The following NF1 variants were observed in gnomAD, a reference collection of about 807,000 sequenced individuals.
The protein encoded by NF1 is neurofibromin 1.
NF1 carries 122 observed loss-of-function variants against 325.7 expected under a neutral mutation model. The observed-to-expected ratio is 0.37, with a 90% CI of 0.32 to 0.44. The LOEUF is 0.44. Ranked by LOEUF, NF1 falls within the 20% of genes least tolerant of loss-of-function variation. The pLI is 1.00. For missense variants in NF1, 2,140 were observed against 3,415.4 expected, an observed-to-expected ratio of 0.63 and a Z score of 9.31; for synonymous variants, 1,091 against 1,186.0, an observed-to-expected ratio of 0.92 and a Z score of 1.65.
At chr17:31,142,343 T>C (rs1916278548) in intron 1 of NF1, among the ~76,000 whole-genome samples, 1 of 152,192 alleles carries the variant, frequency 6.6e-6, no homozygotes, top group East Asian at 1.9e-4. Flanking sequence ...GTGAAAGTAA[T>C]GTATCTAACT....
chr17:31,098,932 A>AG lies in NF1; in HGVS notation c.60+3564dup, dbSNP rs1232156601. On this transcript the variant is annotated intron_variant, in intron 1 of 57. Coordinates refer to ENST00000358273, the MANE Select transcript of NF1 (RefSeq NM_001042492.3). Reference sequence around the variant, plus strand: ...GGGTGACAGAGCGAGACTCCATCTCAGAAAAAAAAAAAAAAAAAAAGAATC... The same window carrying AG: ...GGGTGACAGAGCGAGACTCCATCTCAGGAAAAAAAAAAAAAAAAAAAGAATC... 2.3e-4 allele frequency among the ~76,000 whole-genome samples: 21 copies of AG among 93,110 alleles called. No homozygotes were observed. The East Asian group carries it at 5.7e-3, about 25-fold the overall frequency. The allele number at this position is 93,110 out of a possible 152,430, so 61.1% of individuals were successfully genotyped here. A position where few individuals can be genotyped will look rare whatever the true frequency, so the allele number is the denominator to read the frequency against.
chr17:31,232,408 G>T (rs2067128549), intron 25 of NF1, among the ~76,000 whole-genome samples: 1 of 151,998 alleles, frequency 6.6e-6, no homozygotes, highest in African/African-American at 2.4e-5. Context: ...TGTCTAAGCT[G>T]TTTGGACCAC....
chr17:31,324,148 A>G (rs1471141514), intron 36 of NF1, among the ~76,000 whole-genome samples: 1 of 151,650 alleles, frequency 6.6e-6, no homozygotes, highest in African/African-American at 2.4e-5. Flanking sequence ...GCTCACTGCA[A>G]ACTCCCCTCC....
chr17:31,375,019 T>C lies in NF1; in HGVS notation c.*864T>C, dbSNP rs2070711378. On this transcript the variant is annotated 3_prime_UTR_variant, in exon 58 of 58. Coordinates refer to ENST00000358273, the MANE Select transcript of NF1 (RefSeq NM_001042492.3). ...CTATACTAAGTATAGTAATTATATA[T>C]ATATATATATTTTTTCCCCTCCCCC... is the stretch of plus-strand genomic sequence containing the variant. The C allele has an allele frequency of 5.0e-6, 1 of 200,564 alleles. No homozygotes were observed. The highest frequency in any genetic ancestry group is 6.0e-5 in the Admixed American group (1 of 16,656). The allele number at this position is 200,564 out of a possible 1,614,324, so 12.4% of individuals were successfully genotyped here.
At chr17:31,150,484 T>C (rs1461997224) in intron 1 of NF1, among the ~76,000 whole-genome samples, 2 of 152,164 alleles carry the variant, frequency 1.3e-5, no homozygotes, top group African/African-American at 4.8e-5. Context: ...AGGGGTATTA[T>C]GTGTTGGTTT....
rs150121098 is a variant in NF1, at chr17:31,364,121, G to A, written c.8377+3418G>A. Among the ~76,000 whole-genome samples, 54 of 152,268 alleles carry A rather than the reference G, an allele frequency of 3.5e-4. No homozygotes were observed. The East Asian group carries it at 5.0e-3, about 14-fold the overall frequency. On this transcript the variant is annotated intron_variant, in intron 57 of 57. Transcript: ENST00000358273. ...GTCCAGATTCCTAACTCAGTCTGGCGTTTCAACTTTGCTGTTTAGCTGTAT... is the reference window on the plus strand; with the variant it reads ...GTCCAGATTCCTAACTCAGTCTGGCATTTCAACTTTGCTGTTTAGCTGTAT...
chr17:31,280,224 TA>T lies in NF1; in HGVS notation c.4835+14891del, dbSNP rs796889431. 9.4e-3 allele frequency among the ~76,000 whole-genome samples: 1,421 copies of T among 150,706 alleles called. 22 individuals carry two copies. Among genetic ancestry groups the T allele is most frequent in the African/African-American group, 0.033 (1,337 of 41,028 alleles). On this transcript the variant is annotated intron_variant, in intron 36 of 57. Transcript: ENST00000358273. ...GTTTTTTTTTAATTTTTTTTTTTTT[TA>T]AAAAAGAAAGAAATGTAAGAACCCA...
rs786203132 is a variant in NF1 at position 31,230,307 on chromosome 17, C to T, written c.3038C>T (p.Thr1013Met). The T allele has an allele frequency of 3.1e-6, 5 of 1,613,242 alleles. No homozygotes were observed. The highest frequency in any genetic ancestry group is 1.7e-5 in the Admixed American group (1 of 59,980). The change falls in exon 23 of 58, where the codon ACG (threonine) becomes ATG (methionine). Residue 1013 changes from threonine (T) to methionine (M), a missense_variant. Coordinates refer to ENST00000358273, the MANE Select transcript of NF1 (RefSeq NM_001042492.3). The part of the protein sequence containing the change: ...GNMVHAIQIK[T>M]KLCQLVEVMM... ...ATGGTCCATGCAATTCAAATAAAAA[C>T]GAAACTGTGTCAATTAGTTGAAGTA...
In NF1 at chr17:31,337,598, T is replaced by C. The variant is rs773123329; in HGVS notation, c.6642+16T>C. ...GATCATGGAGGTATAGAAGCCAAAA[T>C]GATAAGAAACTAAGTTAAAATCTTT... On this transcript the variant is annotated intron_variant, in intron 43 of 57. Transcript: ENST00000358273. 1 of 1,608,904 alleles carries C rather than the reference T, an allele frequency of 6.2e-7. No individual in the cohort carries two copies. Among genetic ancestry groups the C allele is most frequent in the Admixed American group, 1.7e-5 (1 of 59,698 alleles).
chr17:31,185,887 C>G (rs2066229533), intron 8 of NF1, among the ~76,000 whole-genome samples: 1 of 152,162 alleles, frequency 6.6e-6, no homozygotes, highest in Non-Finnish European at 1.5e-5. Context: ...ATAGGTAAAT[C>G]ACAGCGGAGG....
chr17:31,182,456 C>G (rs1221498515), intron 7 of NF1, 52 bp from the exon 8 acceptor site: 1 of 1,574,620 alleles, frequency 6.4e-7, no homozygotes, highest in East Asian at 2.2e-5. Flanking sequence ...TACTTTAATG[C>G]CAGGGATTTT....
intron 51 of NF1, among the ~76,000 whole-genome samples, chr17:31,354,670 C>T (rs954222138): frequency 7.9e-5 from 12 of 152,140 alleles, no homozygotes; most frequent in East Asian, 1.9e-4. Context: ...GTGTGGGCCC[C>T]GCACTAATGC....
chr17:31,139,344 G>C (rs1469697885), intron 1 of NF1, among the ~76,000 whole-genome samples: 1 of 149,876 alleles, frequency 6.7e-6, no homozygotes, highest in Non-Finnish European at 1.5e-5. Context: ...ATTGCGCCTG[G>C]CCTACTCTTA....
In NF1 at chr17:31,360,232, G is replaced by T. The variant is rs114218147; in HGVS notation, c.8161-255G>T. ...CATTCCTGGTGATTGTATTGTCTCA[G>T]TATTACATTCAGTCTGTCTTGTGCA... is the stretch of plus-strand genomic sequence containing the variant. On this transcript the variant is annotated intron_variant, in intron 56 of 57. Transcript: ENST00000358273. 866 of 498,464 alleles carry T rather than the reference G, an allele frequency of 1.7e-3. 4 individuals carry two copies. The highest frequency in any genetic ancestry group is 0.015 in the African/African-American group (773 of 51,858). The allele number at this position is 498,464 out of a possible 1,614,324, so 30.9% of individuals were successfully genotyped here.
At chr17:31,313,948 A>T in intron 36 of NF1, 1 of 397,894 alleles carries the variant, frequency 2.5e-6, no homozygotes, top group Non-Finnish European at 4.4e-6. Flanking sequence ...ATAAAGCAAG[A>T]TCAAACCAAA....
At chr17:31,124,756 T>A (rs937817765) in intron 1 of NF1, among the ~76,000 whole-genome samples, 3 of 151,628 alleles carry the variant, frequency 2.0e-5, no homozygotes, top group African/African-American at 7.3e-5. Flanking sequence ...CCTGCCACCA[T>A]GCGGGCTAAT....
In NF1 at chr17:31,095,222, C is replaced by T. The variant is rs767807938; in HGVS notation, c.-88C>T. 17 of 1,291,174 alleles carry T rather than the reference C, an allele frequency of 1.3e-5. No homozygotes were observed. The highest frequency in any genetic ancestry group is 5.0e-5 in the East Asian group (2 of 39,822). The allele number at this position is 1,291,174 out of a possible 1,614,324, so 80.0% of individuals were successfully genotyped here. A position where few individuals can be genotyped will look rare whatever the true frequency, so the allele number is the denominator to read the frequency against. Reference sequence around the variant, plus strand: ...CACAGACCCTCTCCTTGCCTCTTCCCTCACCTCAGCCTCCGCTCCCCGCCC... The same window carrying T: ...CACAGACCCTCTCCTTGCCTCTTCCTTCACCTCAGCCTCCGCTCCCCGCCC... On this transcript the variant is annotated 5_prime_UTR_variant, in exon 1 of 58. Transcript: ENST00000358273.
chr17:31,288,231 C>T (rs2068277081), intron 36 of NF1, among the ~76,000 whole-genome samples: 1 of 152,028 alleles, frequency 6.6e-6, no homozygotes, highest in African/African-American at 2.4e-5. Context: ...ATGTGTCTCA[C>T]CTGGCTCTTA....
intron 39 of NF1, among the ~76,000 whole-genome samples, chr17:31,333,438 C>T (rs1567614994): frequency 6.6e-6 from 1 of 152,144 alleles, no homozygotes; most frequent in Non-Finnish European, 1.5e-5. Flanking sequence ...GAAAGTATCT[C>T]CAGATCTAGA....
Sources: allele counts gnomAD v4.1 joint callset (sites outside exome capture counted in the v4.1 genomes callset), GRCh38; gene constraint gnomAD v4.1.1; transcripts MANE v1.5; gene names NCBI Gene and HGNC (gene_info 2026-07-23, HGNC 2026-07-21).